CUX1: variants seen among roughly 807,000 people sequenced by gnomAD.
The protein encoded by CUX1 is cut like homeobox 1.
Under a neutral mutation model 158.8 loss-of-function variants are expected in CUX1, and 31 were observed. The ratio of observed to expected loss-of-function variants is 0.20; its 90% CI spans 0.15 to 0.26. CUX1 has a LOEUF of 0.26. Among genes scored for constraint, CUX1 ranks in the 10% least tolerant of loss-of-function variants. CUX1 has a pLI of 1.00. For missense variants in CUX1, 1,589 were observed against 2,014.6 expected, an observed-to-expected ratio of 0.79 and a Z score of 4.04; for synonymous variants, 879 against 862.1, an observed-to-expected ratio of 1.02 and a Z score of -0.34.
At chr7:102,031,743 CAT>C (rs1408651587) in intron 3 of CUX1, among the ~76,000 whole-genome samples, 1 of 152,094 alleles carries the variant, frequency 6.6e-6, no homozygotes, top group Non-Finnish European at 1.5e-5. Context: ...AGCAAATTAA[CAT>C]ATGCATCGTC....
At chr7:102,004,968 C>T (rs1169450673) in intron 2 of CUX1, among the ~76,000 whole-genome samples, 4 of 152,266 alleles carry the variant, frequency 2.6e-5, no homozygotes, top group Non-Finnish European at 5.9e-5. Context: ...ATTCTTAGCT[C>T]ATGGGCCATA....
At chr7:101,913,393 C>T (rs1388691703) in intron 1 of CUX1, 1 of 1,265,262 alleles carries the variant, frequency 7.9e-7, no homozygotes, top group Non-Finnish European at 1.0e-6. Flanking sequence ...CGACTGCCAG[C>T]AGCAAGTTGC....
chr7:102,119,916 C>G (rs1831857527), intron 8 of CUX1, among the ~76,000 whole-genome samples: 1 of 152,212 alleles, frequency 6.6e-6, no homozygotes, highest in South Asian at 2.1e-4. Flanking sequence ...CTTCCCGCTT[C>G]TCTTAGCAAA....
intron 2 of CUX1, among the ~76,000 whole-genome samples, chr7:102,015,032 G>A (rs1222430334): frequency 1.3e-5 from 2 of 152,090 alleles, no homozygotes; most frequent in Admixed American, 1.3e-4. Context: ...TTATTCCTCT[G>A]AGCAGCTCTG....
rs1361864630 is a variant in CUX1, at chr7:101,956,211, A to T, written c.141+39986A>T. 4.0e-5 allele frequency among the ~76,000 whole-genome samples: 6 copies of T among 151,240 alleles called. No individual in the cohort carries two copies. In the East Asian group the frequency reaches 9.7e-4, roughly 25 times the overall value. On this transcript the variant is annotated intron_variant, in intron 2 of 23. Transcript: ENST00000292535. ...ACATTCAGCGTGGCCGGCTCTCCGC[A>T]TCTTACAGTGGTAGGGATGAAATGC... is the stretch of plus-strand genomic sequence containing the variant.
chr7:102,242,228 CT>C (rs1800311823), intron 23 of CUX1, among the ~76,000 whole-genome samples: 1 of 25,634 alleles, frequency 3.9e-5, no homozygotes, highest in African/African-American at 1.5e-4. Context: ...TTTTTTTTTT[CT>C]GAGACAGAGC....
intron 20 of CUX1, among the ~76,000 whole-genome samples, chr7:102,206,968 G>A (rs191070494): frequency 4.6e-5 from 7 of 152,258 alleles, no homozygotes; most frequent in African/African-American, 1.2e-4. Context: ...GCTAATGATC[G>A]ATGCCAGAAG....
At chr7:102,098,526 G>A (rs374491945) in intron 5 of CUX1, among the ~76,000 whole-genome samples, 4 of 152,162 alleles carry the variant, frequency 2.6e-5, no homozygotes, top group South Asian at 2.1e-4. Flanking sequence ...CGGGAGGATC[G>A]CTTGAACCCA....
chr7:102,171,256 T>G (rs1554510337), intron 10 of CUX1, among the ~76,000 whole-genome samples: 3 of 152,116 alleles, frequency 2.0e-5, no homozygotes, highest in African/African-American at 7.2e-5. Context: ...AGTCTGGTGA[T>G]GGGGACAAAG....
intron 2 of CUX1, among the ~76,000 whole-genome samples, chr7:101,954,577 G>A (rs547452459): frequency 3.9e-5 from 6 of 152,270 alleles, no homozygotes; most frequent in South Asian, 2.1e-4. Context: ...GGGAGGCCGA[G>A]GCAGGCAGAT....
rs1481568842 is a variant in CUX1, at chr7:102,158,472, G to A, written c.675-88G>A. On this transcript the variant is annotated intron_variant, in intron 8 of 23. Coordinates refer to ENST00000292535, the MANE Select transcript of CUX1 (RefSeq NM_181552.4). ...CTCACGGGTCTGCACAGCCCTTCCCGAGCCCTGAGCTAGGAAGCTGTCCCA... is the reference window on the plus strand; with the variant it reads ...CTCACGGGTCTGCACAGCCCTTCCCAAGCCCTGAGCTAGGAAGCTGTCCCA... The A allele has an allele frequency of 2.0e-5, 28 of 1,378,382 alleles. 1 individual carries two copies. The highest frequency in any genetic ancestry group is 5.7e-5 in the African/African-American group (4 of 70,150). The allele number at this position is 1,378,382 out of a possible 1,614,324, so 85.4% of individuals were successfully genotyped here.
At chr7:101,888,490 C>A (rs993270293) in intron 1 of CUX1, among the ~76,000 whole-genome samples, 5 of 152,094 alleles carry the variant, frequency 3.3e-5, no homozygotes, top group Non-Finnish European at 5.9e-5. Flanking sequence ...TCTGTTTCTC[C>A]ATGTTCATAC....
chr7:102,132,685 T>C (rs1180401646), intron 8 of CUX1, among the ~76,000 whole-genome samples: 2 of 146,216 alleles, frequency 1.4e-5, no homozygotes, highest in East Asian at 2.0e-4. Flanking sequence ...CTTTTCTTTT[T>C]TTTTTTTTTT....
At chr7:101,950,170 C>T (rs753485019) in intron 2 of CUX1, among the ~76,000 whole-genome samples, 5 of 152,094 alleles carry the variant, frequency 3.3e-5, no homozygotes, top group Non-Finnish European at 4.4e-5. Context: ...CCACCACACC[C>T]GGCTAATTTT....
Position 102,253,195 on chromosome 7 carries a change from T to A in CUX1, c.*4153T>A. The A allele has an allele frequency of 1.0e-6, 1 of 985,492 alleles. No individual in the cohort carries two copies. Among genetic ancestry groups the A allele is most frequent in the Non-Finnish European group, 1.2e-6 (1 of 829,974 alleles). The allele number at this position is 985,492 out of a possible 1,614,324, so 61.0% of individuals were successfully genotyped here. On this transcript the variant is annotated 3_prime_UTR_variant, in exon 24 of 24. Transcript: ENST00000292535. ...GACGTTCAGGTCTGCTGGTTGGCGGTCCGGGCCCAGAGTGCAGCAGAGCTC... is the reference window on the plus strand; with the variant it reads ...GACGTTCAGGTCTGCTGGTTGGCGGACCGGGCCCAGAGTGCAGCAGAGCTC...
At chr7:102,055,681 C>G (rs906376550) in intron 3 of CUX1, among the ~76,000 whole-genome samples, 1 of 152,104 alleles carries the variant, frequency 6.6e-6, no homozygotes, top group Non-Finnish European at 1.5e-5. Context: ...TGAAATTAGG[C>G]AAATTAATAA....
intron 2 of CUX1, among the ~76,000 whole-genome samples, chr7:101,938,965 T>C (rs1206467800): frequency 3.4e-5 from 5 of 147,962 alleles, no homozygotes; most frequent in African/African-American, 1.3e-4. Context: ...CGCTTGAACC[T>C]GGGAGATGGA....
rs1212885859 is a variant in CUX1 at position 101,969,337 on chromosome 7, A to AAAAC, written c.141+53124_141+53127dup. The stretch of plus-strand genomic sequence containing the variant: ...GTGACAGAGCAAGACCCTGTCTCAA[A>AAAAC]AAACAAACAAACAAAAAACAGCAAA... On this transcript the variant is annotated intron_variant, in intron 2 of 23. Transcript: ENST00000292535. Among the ~76,000 whole-genome samples, 150 of 148,070 alleles carry AAAAC rather than the reference A, an allele frequency of 1.0e-3. 1 individual carries two copies. The highest frequency in any genetic ancestry group is 3.6e-3 in the African/African-American group (144 of 39,614).
At chr7:102,026,818 T>TAAA (rs10533217) in intron 2 of CUX1, among the ~76,000 whole-genome samples, 2 of 96,310 alleles carry the variant, frequency 2.1e-5, no homozygotes, top group Non-Finnish European at 3.9e-5. Context: ...ACTCCGTCTT[T>TAAA]AAAAAAAAAA....
Sources: allele counts gnomAD v4.1 joint callset (sites outside exome capture counted in the v4.1 genomes callset), GRCh38; gene constraint gnomAD v4.1.1; transcripts MANE v1.5; gene names NCBI Gene and HGNC (gene_info 2026-07-23, HGNC 2026-07-21).